Variants in BCL9 observed in about 807,000 individuals in gnomAD.
BCL9 encodes the protein B-cell CLL/lymphoma 9 protein.
A neutral mutation model predicts 88.5 loss-of-function variants in BCL9; 25 were observed. The ratio of observed to expected loss-of-function variants is 0.28; its 90% CI spans 0.21 to 0.39. The LOEUF (loss-of-function observed/expected upper bound fraction) is 0.39, where lower values mean the gene tolerates loss of function less well. Ranked by LOEUF, BCL9 falls within the 10% of genes least tolerant of loss-of-function variation. BCL9 has a pLI of 1.00. For missense variants in BCL9, 1,817 were observed against 1,877.8 expected (o/e 0.97, Z 0.60); for synonymous variants, 711 against 673.3 (o/e 1.06, Z -0.87).
Position 147,611,784 on chromosome 1 carries a change from A to G in BCL9, c.-53A>G, listed in dbSNP as rs963700462. On this transcript the variant is annotated 5_prime_UTR_variant, in exon 4 of 10. Transcript: ENST00000234739. ...GCAGCTGTTTCTGCTGCAACCCGAGAGGAACTCGGTGAGCCTGTCCCGTTT... is the reference window on the plus strand; with the variant it reads ...GCAGCTGTTTCTGCTGCAACCCGAGGGGAACTCGGTGAGCCTGTCCCGTTT... 1.1e-4 allele frequency: 170 copies of G among 1,576,124 alleles called. No individual in the cohort carries two copies. The highest frequency in any genetic ancestry group is 1.5e-4 in the Non-Finnish European group (169 of 1,145,752).
rs1240974710 is a variant in BCL9 at position 147,620,502 on chromosome 1, C to G, written c.2347C>G (p.Pro783Ala). 9.9e-6 allele frequency: 16 copies of G among 1,614,064 alleles called. No individual in the cohort carries two copies. Among genetic ancestry groups the G allele is most frequent in the Non-Finnish European group, 2.5e-6 (3 of 1,180,032 alleles). The change falls in exon 8 of 10, where the codon CCA (proline) becomes GCA (alanine). Residue 783 changes from proline (P) to alanine (A), a missense_variant. Pro to Ala is a conservative substitution (Grantham distance 27). Around this residue, in one of 2 missense-constraint regions of BCL9, gnomAD observed 1,228 missense variants for 1,191.6 expected, o/e 1.03. Coordinates refer to ENST00000234739, the MANE Select transcript of BCL9 (RefSeq NM_004326.4). ...PQQEYGMGPR[P>A]FLPMSQGPGS... ...GCAGGAGTATGGCATGGGCCCCAGA[C>G]CATTCCTTCCCATGTCTCAGGGTCC...
At chr1:147,598,374 A>G (rs1196635463) in intron 1 of BCL9, among the ~76,000 whole-genome samples, 1 of 152,238 alleles carries the variant, frequency 6.6e-6, no homozygotes, top group Non-Finnish European at 1.5e-5. Context: ...CAAAGAGAAA[A>G]TACCTTGCCA....
chr1:147,608,903 C>T (rs1657864693), intron 3 of BCL9, among the ~76,000 whole-genome samples: 1 of 152,190 alleles, frequency 6.6e-6, no homozygotes, highest in Admixed American at 6.5e-5. Flanking sequence ...TAAATGCCCA[C>T]TACCACTTAC....
chr1:147,550,145 T>C (rs1046863630), intron 1 of BCL9, among the ~76,000 whole-genome samples: 3 of 152,188 alleles, frequency 2.0e-5, no homozygotes, highest in Non-Finnish European at 4.4e-5. Flanking sequence ...TATAGGTTCT[T>C]AGCCAGCTTA....
chr1:147,600,175 G>C (rs1473470069), intron 1 of BCL9: 1 of 159,002 alleles, frequency 6.3e-6, no homozygotes, highest in Non-Finnish European at 1.4e-5. Flanking sequence ...ATGTGTGCTT[G>C]CCGGAGTGGG....
intron 1 of BCL9, among the ~76,000 whole-genome samples, chr1:147,598,013 T>A (rs952154763): frequency 6.6e-6 from 1 of 152,212 alleles, no homozygotes; most frequent in Admixed American, 6.5e-5. Context: ...TGGTCTGGGA[T>A]TCCCCCCAGG....
rs782327998 is a variant in BCL9, at chr1:147,620,089, C to T, written c.1934C>T (p.Pro645Leu). Reference protein sequence around the residue: ...QLAEKQLGLPPGMAMEGIRPS... With the variant: ...QLAEKQLGLPLGMAMEGIRPS... ...GCAGAGAAACAGCTGGGTCTCCCCC[C>T]AGGGATGGCCATGGAAGGCATCAGG... Residue 645 changes from proline to leucine, a missense_variant, in exon 8 of 10, where the codon CCA (proline) becomes CTA (leucine). Coordinates refer to ENST00000234739, the MANE Select transcript of BCL9 (RefSeq NM_004326.4). 7 of 1,614,208 alleles carry T rather than the reference C, an allele frequency of 4.3e-6. No homozygotes were observed. The highest frequency in any genetic ancestry group is 5.9e-6 in the Non-Finnish European group (7 of 1,180,046).
intron 1 of BCL9, among the ~76,000 whole-genome samples, chr1:147,594,684 C>T (rs782363208): frequency 1.3e-5 from 2 of 152,064 alleles, no homozygotes; most frequent in Non-Finnish European, 2.9e-5. Flanking sequence ...GAATTTAAAT[C>T]AATAAAGAAG....
chr1:147,607,652 C>T (rs1657786658), intron 3 of BCL9, among the ~76,000 whole-genome samples: 1 of 152,152 alleles, frequency 6.6e-6, no homozygotes, highest in Non-Finnish European at 1.5e-5. Flanking sequence ...CAGAACTATT[C>T]AAACTTGATA....
rs782764451 is a variant in BCL9, at chr1:147,619,431, G to A, written c.1276G>A (p.Val426Met). ...TAAGGGACCTGGGCCCCGGACAGAC[G>A]TGGGAGCTCCATTTGGCCCTCAAGG... ...LGKGPGPRTD[V>M]GAPFGPQGHR... Residue 426 changes from valine (V) to methionine (M), a missense_variant, in exon 8 of 10, where the codon GTG becomes ATG. Coordinates refer to ENST00000234739, the MANE Select transcript of BCL9 (RefSeq NM_004326.4). This position sits in a 1 kb window ranked among gnomAD's most constrained non-coding sequence, Gnocchi z 4.1. 7.4e-6 allele frequency: 12 copies of A among 1,613,958 alleles called. No homozygotes were observed. Among genetic ancestry groups the A allele is most frequent in the Middle Eastern group, 1.6e-4 (1 of 6,084 alleles).
chr1:147,591,627 C>T (rs1272783480), intron 1 of BCL9, among the ~76,000 whole-genome samples: 3 of 152,148 alleles, frequency 2.0e-5, no homozygotes, highest in Non-Finnish European at 2.9e-5. Context: ...TTCTAATAAC[C>T]TTTACCACTA....
chr1:147,550,474 G>T (rs1467223365), intron 1 of BCL9, among the ~76,000 whole-genome samples: 4 of 152,268 alleles, frequency 2.6e-5, no homozygotes, highest in African/African-American at 9.6e-5. Flanking sequence ...AAAAAATTGG[G>T]AGAGGGAAGT....
rs150240803 is a variant in BCL9 at position 147,612,733 on chromosome 1, C to T, written c.54-150C>T. The T allele has an allele frequency of 1.2e-3, 910 of 737,246 alleles. 8 individuals are homozygous for T. In the African/African-American group the frequency reaches 0.014, roughly 12 times the overall value. The allele number at this position is 737,246 out of a possible 1,614,324, so 45.7% of individuals were successfully genotyped here. ...AGCTCTGAGATGGGATCAGGGGTGG[C>T]GGGAGCAAGCAAATGGCTGAGGTGA... On this transcript the variant is annotated intron_variant, in intron 4 of 9. Transcript: ENST00000234739.
chr1:147,588,435 C>T (rs1390507), intron 1 of BCL9, among the ~76,000 whole-genome samples: 36,340 of 152,084 alleles, frequency 0.24, 6,115 homozygotes, highest in African/African-American at 0.46. Flanking sequence ...ACAGTATACA[C>T]TTACTTCATT....
chr1:147,544,542 T>C (rs1654468979), intron 1 of BCL9, among the ~76,000 whole-genome samples: 1 of 152,152 alleles, frequency 6.6e-6, no homozygotes, highest in South Asian at 2.1e-4. Context: ...CCTGGATAAT[T>C]CATGTTGACC....
At chr1:147,616,245 C>T (rs1210521538) in intron 7 of BCL9, among the ~76,000 whole-genome samples, 1 of 152,144 alleles carries the variant, frequency 6.6e-6, no homozygotes. Context: ...CACTCTTGAG[C>T]TAGTTGAATA....
chr1:147,547,727 T>C (rs1553194390), intron 1 of BCL9, among the ~76,000 whole-genome samples: 1 of 152,186 alleles, frequency 6.6e-6, no homozygotes, highest in East Asian at 1.9e-4. Flanking sequence ...ATAAGAGAAA[T>C]TTATTGTTAA....
chr1:147,610,137 G>T (rs1657923514), intron 3 of BCL9, among the ~76,000 whole-genome samples: 1 of 149,578 alleles, frequency 6.7e-6, no homozygotes. Context: ...GATTATATAT[G>T]TCCAACTTGA....
chr1:147,589,162 TG>T (rs1656740691), intron 1 of BCL9, among the ~76,000 whole-genome samples: 2 of 152,200 alleles, frequency 1.3e-5, no homozygotes, highest in South Asian at 4.1e-4. Flanking sequence ...CTCTTGCATA[TG>T]TTTTCCTTTG....
Sources: gnomAD v4.1 joint callset for allele counts (sites outside exome capture counted in the v4.1 genomes callset) on GRCh38, gnomAD v4.1.1 for gene constraint, gnomAD v4.1.1 regional missense constraint, Gnocchi (gnomAD v3.1) non-coding constraint, MANE v1.5 for transcripts, NCBI Gene and HGNC (gene_info 2026-07-23, HGNC 2026-07-21) for gene names.